TRPM7: variants seen among roughly 807,000 people sequenced by gnomAD.
The protein encoded by TRPM7 is LTRPC ion channel family member 7.
TRPM7 carries 134 observed loss-of-function variants against 229.7 expected under a neutral mutation model. That is an observed-to-expected ratio of 0.58 (90% confidence interval 0.51 to 0.67). The LOEUF (loss-of-function observed/expected upper bound fraction) is 0.67, where lower values mean the gene tolerates loss of function less well. Among genes scored for constraint, TRPM7 ranks in the 30% least tolerant of loss-of-function variants. The probability of loss-of-function intolerance (pLI) is 0.00; values close to 1 mark genes in which losing one functional copy is unlikely to be tolerated. For missense variants in TRPM7, 1,901 were observed against 2,210.0 expected (o/e 0.86, Z 2.80); for synonymous variants, 699 against 715.2 (o/e 0.98, Z 0.36).
At chr15:50,620,276 T>C (rs1267655913) in intron 12 of TRPM7, among the ~76,000 whole-genome samples, 1 of 151,738 alleles carries the variant, frequency 6.6e-6, no homozygotes, top group Non-Finnish European at 1.5e-5. Context: ...GTAAACTTTC[T>C]TAAAACATAG....
At chr15:50,600,214 A>C (rs1183671245) in intron 21 of TRPM7, among the ~76,000 whole-genome samples, 1 of 152,208 alleles carries the variant, frequency 6.6e-6, no homozygotes, top group African/African-American at 2.4e-5. Flanking sequence ...AGGCAGGTGG[A>C]TCACTTGAGG....
intron 3 of TRPM7, among the ~76,000 whole-genome samples, chr15:50,649,696 A>T (rs1237469437): frequency 6.6e-6 from 1 of 152,194 alleles, no homozygotes; most frequent in East Asian, 1.9e-4. Flanking sequence ...CTTTCTACCC[A>T]GAAGCACATA....
In TRPM7 at chr15:50,629,445, G is replaced by A. The variant is rs780311288; in HGVS notation, c.1205-1196C>T. On this transcript the variant is annotated intron_variant, in intron 10 of 38. Transcript: ENST00000646667. ...ATGGCACCACACCAGGCTAAGTTTT[G>A]TATTTTTTGTAGAGATAGGGTTTTG... 4.0e-5 allele frequency among the ~76,000 whole-genome samples: 6 copies of A among 149,346 alleles called. No individual in the cohort carries two copies. In the Admixed American group the frequency reaches 4.0e-4, roughly 10 times the overall value.
chr15:50,658,468 G>A (rs2061639522), intron 2 of TRPM7, among the ~76,000 whole-genome samples: 1 of 151,868 alleles, frequency 6.6e-6, no homozygotes, highest in Non-Finnish European at 1.5e-5. Context: ...TACTAGGGAG[G>A]CTGAGGTGGG....
At chr15:50,582,888 C>T (rs1256261931) in intron 29 of TRPM7, 6 of 345,374 alleles carry the variant, frequency 1.7e-5, no homozygotes, top group African/African-American at 1.3e-4. Flanking sequence ...TGCCTTTATT[C>T]TGCATAAATT....
At chr15:50,669,470 C>G (rs897190606) in intron 1 of TRPM7, among the ~76,000 whole-genome samples, 1 of 151,952 alleles carries the variant, frequency 6.6e-6, no homozygotes, top group Non-Finnish European at 1.5e-5. Context: ...ATGCTGGGCT[C>G]GGTTTTAAAA....
intron 38 of TRPM7, among the ~76,000 whole-genome samples, chr15:50,565,475 T>C (rs2053558167): frequency 6.6e-6 from 1 of 152,032 alleles, no homozygotes; most frequent in South Asian, 2.1e-4. Context: ...AAAGTATACG[T>C]CAAAATAAGG....
At chr15:50,626,941 G>A (rs2060578068) in intron 11 of TRPM7, among the ~76,000 whole-genome samples, 1 of 152,032 alleles carries the variant, frequency 6.6e-6, no homozygotes, top group Non-Finnish European at 1.5e-5. Flanking sequence ...ATGAATGTTT[G>A]TACATTCATA....
chr15:50,561,846 A>G (rs920776059), intron 38 of TRPM7, 38 bp from the exon 39 acceptor site: 1 of 1,472,826 alleles, frequency 6.8e-7, no homozygotes, highest in East Asian at 2.4e-5. Context: ...AAAAAAAAAG[A>G]AAGAGAAAAG....
chr15:50,574,163 T>G, intron 36 of TRPM7, 111 bp downstream of exon 36: 1 of 841,846 alleles, frequency 1.2e-6, no homozygotes, highest in South Asian at 1.7e-5. Context: ...TTTTATAGCT[T>G]CTATTGGCCT....
At chr15:50,679,514 AT>A (rs1567129186) in intron 1 of TRPM7, among the ~76,000 whole-genome samples, 31,382 of 89,076 alleles carry the variant, frequency 0.35, 5,273 homozygotes, top group East Asian at 0.48. Context: ...TATATATAAT[AT>A]ATATATATAT....
At chr15:50,647,482 A>C (rs1162931015) in intron 4 of TRPM7, among the ~76,000 whole-genome samples, 1 of 151,514 alleles carries the variant, frequency 6.6e-6, no homozygotes. Flanking sequence ...ACAGTGGCTC[A>C]GGCCTGTAAT....
At chr15:50,630,463 C>T (rs904010182) in intron 10 of TRPM7, among the ~76,000 whole-genome samples, 1 of 152,024 alleles carries the variant, frequency 6.6e-6, no homozygotes, top group Non-Finnish European at 1.5e-5. Context: ...GAAGATTTTT[C>T]GCTATAATGT....
intron 2 of TRPM7, among the ~76,000 whole-genome samples, chr15:50,659,091 G>A (rs1161752357): frequency 2.0e-5 from 3 of 152,014 alleles, no homozygotes; most frequent in Non-Finnish European, 2.9e-5. Context: ...CCAGCTACTC[G>A]GGAGGCTGAG....
intron 16 of TRPM7, 59 bp downstream of exon 16, chr15:50,612,490 C>T: frequency 1.3e-6 from 2 of 1,528,564 alleles, no homozygotes; most frequent in Non-Finnish European, 1.8e-6. Context: ...GTAACAGCCA[C>T]TCAAACAATA....
At chr15:50,628,008 A>G (rs2060619177) in intron 11 of TRPM7, 141 bp downstream of exon 11, 1 of 627,030 alleles carries the variant, frequency 1.6e-6, no homozygotes, top group Non-Finnish European at 2.8e-6. Flanking sequence ...CTGGATCGGA[A>G]TGGTGTAGAA....
At chr15:50,630,304 G>A (rs1039390866) in intron 10 of TRPM7, among the ~76,000 whole-genome samples, 5 of 152,134 alleles carry the variant, frequency 3.3e-5, no homozygotes, top group Admixed American at 3.3e-4. Context: ...AATGCTTGAT[G>A]TATTGGCAAT....
In TRPM7 at chr15:50,599,301, TA is replaced by T; in HGVS notation, c.2989-6del. On this transcript the variant is annotated splice_polypyrimidine_tract_variant and splice_region_variant and intron_variant, in intron 21 of 38. Transcript: ENST00000646667. ...AATGTAGAACATATTGGCCACCTGT[TA>T]AAAAATGAACACTGTTAAAATACAA... 6.3e-7 allele frequency: 1 copy of T among 1,589,570 alleles called. No homozygotes were observed. The highest frequency in any genetic ancestry group is 8.6e-7 in the Non-Finnish European group (1 of 1,168,124).
chr15:50,598,984 G>C (rs2059704396), intron 22 of TRPM7, 138 bp downstream of exon 22: 1 of 615,946 alleles, frequency 1.6e-6, no homozygotes. Flanking sequence ...GTTTCTTCTG[G>C]AGTTCACTAA....
Sources: allele counts gnomAD v4.1 joint callset (sites outside exome capture counted in the v4.1 genomes callset), GRCh38; gene constraint gnomAD v4.1.1; transcripts MANE v1.5; gene names NCBI Gene and HGNC (gene_info 2026-07-23, HGNC 2026-07-21).